GRIK4: variants seen among roughly 807,000 people sequenced by gnomAD.
GRIK4 encodes glutamate ionotropic receptor kainate type subunit 4, also known as glutamate receptor ionotropic, kainate 4.
GRIK4 carries 40 observed loss-of-function variants against 104.9 expected under a neutral mutation model. That is an observed-to-expected ratio of 0.38 (90% CI 0.30 to 0.50). The LOEUF (loss-of-function observed/expected upper bound fraction) is 0.50, where lower values mean the gene tolerates loss of function less well. Ranked by LOEUF, GRIK4 falls within the 20% of genes least tolerant of loss-of-function variation. GRIK4 has a pLI of 0.93. For missense variants in GRIK4, 1,047 were observed against 1,308.1 expected, an observed-to-expected ratio of 0.80 and a Z score of 3.08; for synonymous variants, 485 against 524.9, an observed-to-expected ratio of 0.92 and a Z score of 1.04.
intron 1 of GRIK4, among the ~76,000 whole-genome samples, chr11:120,528,697 T>C (rs1378073892): frequency 6.6e-6 from 1 of 152,154 alleles, no homozygotes; most frequent in Non-Finnish European, 1.5e-5. Context: ...CTTACATGAA[T>C]GGCAGCAGGC....
At chr11:120,703,624 G>A (rs186150396) in intron 3 of GRIK4, among the ~76,000 whole-genome samples, 77 of 151,972 alleles carry the variant, frequency 5.1e-4, no homozygotes, top group African/African-American at 1.5e-3. Flanking sequence ...AAATCCTACC[G>A]TCTGTCAATT....
At chr11:120,984,551 G>A (rs1177470807) in intron 20 of GRIK4, among the ~76,000 whole-genome samples, 1 of 152,110 alleles carries the variant, frequency 6.6e-6, no homozygotes, top group African/African-American at 2.4e-5. Flanking sequence ...GGTGAATCAT[G>A]AGGTCGGCAG....
intron 3 of GRIK4, among the ~76,000 whole-genome samples, chr11:120,771,663 A>C (rs879443520): frequency 6.6e-6 from 1 of 152,236 alleles, no homozygotes; most frequent in Non-Finnish European, 1.5e-5. Context: ...TTGGTATGCT[A>C]TCTCAGTGGA....
intron 3 of GRIK4, among the ~76,000 whole-genome samples, chr11:120,712,467 C>T (rs983967562): frequency 1.3e-5 from 2 of 152,126 alleles, no homozygotes; most frequent in African/African-American, 4.8e-5. Context: ...CAACAGAGGT[C>T]ACCCACCCTT....
At chr11:120,648,072 A>G (rs1299083548) in intron 1 of GRIK4, among the ~76,000 whole-genome samples, 2 of 152,276 alleles carry the variant, frequency 1.3e-5, no homozygotes, top group East Asian at 3.9e-4. Context: ...CCCCTCACCA[A>G]GGTCCCATCC....
At chr11:120,724,311 G>A (rs999776218) in intron 3 of GRIK4, among the ~76,000 whole-genome samples, 5 of 152,144 alleles carry the variant, frequency 3.3e-5, no homozygotes, top group Non-Finnish European at 7.4e-5. Context: ...ACAGCACCCA[G>A]CCTGTTCGTT....
At chr11:120,946,100 A>G (rs1943853238) in intron 14 of GRIK4, among the ~76,000 whole-genome samples, 1 of 152,224 alleles carries the variant, frequency 6.6e-6, no homozygotes, top group South Asian at 2.1e-4. Flanking sequence ...GAGCTCTCAA[A>G]TATCTGTGTG....
chr11:120,866,645 A>AT (rs1415190233), intron 9 of GRIK4, among the ~76,000 whole-genome samples: 2 of 152,076 alleles, frequency 1.3e-5, no homozygotes, highest in African/African-American at 4.8e-5. Flanking sequence ...GGAGAACAAG[A>AT]GTAAAGATGG....
intron 1 of GRIK4, among the ~76,000 whole-genome samples, chr11:120,550,494 C>T (rs1004161975): frequency 2.6e-5 from 4 of 151,724 alleles, no homozygotes; most frequent in African/African-American, 4.8e-5. Flanking sequence ...TGGGAGTCAT[C>T]GGTGTTTAAG....
Position 120,988,175 on chromosome 11 carries a change from T to C in GRIK4, c.*1915T>C, listed in dbSNP as rs1390980461. 6.6e-6 allele frequency: 1 copy of C among 152,194 alleles called. No individual in the cohort carries two copies. The allele number at this position is 152,194 out of a possible 1,614,324, so 9.4% of individuals were successfully genotyped here. On this transcript the variant is annotated 3_prime_UTR_variant, in exon 21 of 21. Transcript: ENST00000527524. ...TCCTCACCTGACCTCACTCATGAAT[T>C]TGAATCCTTTATCTTTTTTCTCTTT...
At chr11:120,631,495 C>T (rs1000873204) in intron 1 of GRIK4, among the ~76,000 whole-genome samples, 2 of 152,148 alleles carry the variant, frequency 1.3e-5, no homozygotes, top group African/African-American at 4.8e-5. Flanking sequence ...CGATGGGAGC[C>T]TCTTAAGGTC....
chr11:120,682,976 C>T (rs1013263525), intron 3 of GRIK4, among the ~76,000 whole-genome samples: 6 of 152,064 alleles, frequency 3.9e-5, no homozygotes, highest in Admixed American at 6.6e-5. Flanking sequence ...CTCTGTGACA[C>T]GCTCCCTGAT....
intron 1 of GRIK4, among the ~76,000 whole-genome samples, chr11:120,647,400 C>T (rs962320423): frequency 6.6e-6 from 1 of 152,182 alleles, no homozygotes; most frequent in Non-Finnish European, 1.5e-5. Context: ...CAGCTCTGGT[C>T]CTGGCCCTCC....
chr11:120,684,703 G>A (rs1313352098), intron 3 of GRIK4, among the ~76,000 whole-genome samples: 1 of 149,188 alleles, frequency 6.7e-6, no homozygotes, highest in Admixed American at 6.8e-5. Context: ...TCTTGGAGGA[G>A]TAAATAAAGA....
At chr11:120,899,144 C>G (rs1942664252) in intron 12 of GRIK4, among the ~76,000 whole-genome samples, 1 of 152,156 alleles carries the variant, frequency 6.6e-6, no homozygotes, top group Non-Finnish European at 1.5e-5. Flanking sequence ...AGGCCAGGTG[C>G]AGTGGCTCAT....
At chr11:120,957,028 T>A in intron 16 of GRIK4, 75 bp downstream of exon 16, 1 of 1,284,800 alleles carries the variant, frequency 7.8e-7, no homozygotes. Flanking sequence ...AAGCCGGCTC[T>A]AGCTTCTAGA....
chr11:120,540,177 C>A lies in GRIK4; in HGVS notation c.-159+28290C>A, dbSNP rs566135504. 2.6e-5 allele frequency among the ~76,000 whole-genome samples: 4 copies of A among 152,214 alleles called. No homozygotes were observed. In the South Asian group the frequency reaches 8.3e-4, roughly 32 times the overall value. Reference sequence around the variant, plus strand: ...GGCAAGCAGCCAGGTAAGAGGAGGGCAGCTTGGATGTGGGAAAGTGCATGG... The same window carrying A: ...GGCAAGCAGCCAGGTAAGAGGAGGGAAGCTTGGATGTGGGAAAGTGCATGG... On this transcript the variant is annotated intron_variant, in intron 1 of 20. Transcript: ENST00000527524.
At chr11:120,546,696 A>T (rs1255499101) in intron 1 of GRIK4, among the ~76,000 whole-genome samples, 1 of 152,132 alleles carries the variant, frequency 6.6e-6, no homozygotes, top group Non-Finnish European at 1.5e-5. Context: ...CTTCTGGCTC[A>T]GCTCCCTCAT....
chr11:120,789,390 C>A (rs940252381), intron 3 of GRIK4, among the ~76,000 whole-genome samples: 2 of 152,114 alleles, frequency 1.3e-5, no homozygotes, highest in African/African-American at 2.4e-5. Flanking sequence ...TACCTCATCC[C>A]AACCCCCACT....
Sources: gnomAD v4.1 joint callset for allele counts (sites outside exome capture counted in the v4.1 genomes callset) on GRCh38, gnomAD v4.1.1 for gene constraint, MANE v1.5 for transcripts, NCBI Gene and HGNC (gene_info 2026-07-23, HGNC 2026-07-21) for gene names.